Variants in EYA4 observed in about 807,000 individuals in gnomAD.
EYA4 encodes the protein EYA transcriptional coactivator and phosphatase 4.
Under a neutral mutation model 87.9 loss-of-function variants are expected in EYA4, and 31 were observed. The ratio of observed to expected loss-of-function variants is 0.35; its 90% CI spans 0.27 to 0.48. EYA4 has a LOEUF of 0.48. EYA4 is among the 20% of genes least tolerant of loss of function. EYA4 has a pLI of 0.99. For missense variants in EYA4, 678 were observed against 761.4 expected (o/e 0.89, Z 1.29); for synonymous variants, 263 against 270.6 (o/e 0.97, Z 0.28).
chr6:133,529,942 T>G lies in EYA4; in HGVS notation c.*1137T>G. On this transcript the variant is annotated 3_prime_UTR_variant, in exon 20 of 20. Coordinates refer to ENST00000355286, the MANE Select transcript of EYA4 (RefSeq NM_004100.5). ...AATCATGAGCAATTATCACATAAACTTTTTTAGAATGTGCCATGAACATGG... is the reference window on the plus strand; with the variant it reads ...AATCATGAGCAATTATCACATAAACGTTTTTAGAATGTGCCATGAACATGG... 1 of 983,554 alleles carries G rather than the reference T, an allele frequency of 1.0e-6. No homozygotes were observed. Among genetic ancestry groups the G allele is most frequent in the Non-Finnish European group, 1.2e-6 (1 of 829,792 alleles). 60.9% of individuals were successfully genotyped at this position (983,554 alleles called of 1,614,324 possible).
intron 2 of EYA4, among the ~76,000 whole-genome samples, chr6:133,381,695 T>C (rs1013040862): frequency 6.6e-6 from 1 of 152,140 alleles, no homozygotes; most frequent in Non-Finnish European, 1.5e-5. Context: ...TAATCAGATA[T>C]AGATATAAGT....
intron 2 of EYA4, among the ~76,000 whole-genome samples, chr6:133,284,910 A>G (rs895641161): frequency 2.6e-5 from 4 of 152,156 alleles, no homozygotes; most frequent in African/African-American, 9.7e-5. Context: ...GCAAGGAGAA[A>G]AACCAAATAA....
chr6:133,450,008 C>T (rs1327700725), intron 5 of EYA4, among the ~76,000 whole-genome samples: 2 of 149,934 alleles, frequency 1.3e-5, no homozygotes, highest in Non-Finnish European at 3.0e-5. Context: ...TTTTTTGAAA[C>T]GGAGTCTTGC....
At chr6:133,340,078 GGAAGTTAC>G (rs1782670587) in intron 2 of EYA4, among the ~76,000 whole-genome samples, 1 of 152,050 alleles carries the variant, frequency 6.6e-6, no homozygotes, top group Non-Finnish European at 1.5e-5. Context: ...AAAGAGAAGG[GGAAGTTAC>G]GTCACACTAT....
At chr6:133,268,007 T>C (rs1776365640) in intron 1 of EYA4, among the ~76,000 whole-genome samples, 1 of 152,292 alleles carries the variant, frequency 6.6e-6, no homozygotes, top group South Asian at 2.1e-4. Context: ...GTATTATCAA[T>C]ATATAAATAG....
chr6:133,443,880 T>C (rs1291188490), intron 3 of EYA4, among the ~76,000 whole-genome samples: 2 of 152,152 alleles, frequency 1.3e-5, no homozygotes, highest in African/African-American at 2.4e-5. Flanking sequence ...TCAGATACTA[T>C]ACCCTGTGAA....
chr6:133,454,696 A>T (rs747748455), intron 5 of EYA4, among the ~76,000 whole-genome samples: 16 of 152,142 alleles, frequency 1.1e-4, no homozygotes, highest in Non-Finnish European at 2.2e-4. Context: ...CAAATTTGCT[A>T]CTTCTTGATG....
At chr6:133,470,152 TGAA>T (rs1234864180) in intron 11 of EYA4, among the ~76,000 whole-genome samples, 1 of 148,484 alleles carries the variant, frequency 6.7e-6, no homozygotes, top group African/African-American at 2.5e-5. Flanking sequence ...GTTTTGGACA[TGAA>T]GTCCTTGCCC....
chr6:133,276,507 C>T (rs1449728962), intron 2 of EYA4, among the ~76,000 whole-genome samples: 1 of 152,148 alleles, frequency 6.6e-6, no homozygotes, highest in Non-Finnish European at 1.5e-5. Context: ...AAATGAAGCA[C>T]AGAACTTGTA....
chr6:133,378,438 G>T (rs1415830182), intron 2 of EYA4, among the ~76,000 whole-genome samples: 2 of 152,054 alleles, frequency 1.3e-5, no homozygotes, highest in Non-Finnish European at 2.9e-5. Context: ...AATTATTATT[G>T]TTATGTAATT....
At chr6:133,525,977 G>T in intron 19 of EYA4, 1 of 934,330 alleles carries the variant, frequency 1.1e-6, no homozygotes, top group Non-Finnish European at 1.3e-6. Context: ...CAAGCAGCTG[G>T]CTTTGAACAC....
intron 3 of EYA4, among the ~76,000 whole-genome samples, chr6:133,427,775 A>C (rs1242249605): frequency 6.6e-6 from 1 of 152,212 alleles, no homozygotes; most frequent in Non-Finnish European, 1.5e-5. Flanking sequence ...GAGAAGACAG[A>C]AGATAGTAAA....
At chr6:133,381,248 A>G (rs942699215) in intron 2 of EYA4, among the ~76,000 whole-genome samples, 3 of 151,960 alleles carry the variant, frequency 2.0e-5, no homozygotes, top group African/African-American at 7.2e-5. Context: ...TAATCAAGAA[A>G]ATAATTGATT....
intron 3 of EYA4, among the ~76,000 whole-genome samples, chr6:133,444,606 C>A (rs1792621116): frequency 6.6e-6 from 1 of 152,116 alleles, no homozygotes; most frequent in African/African-American, 2.4e-5. Flanking sequence ...ACTATGGTGA[C>A]CCTTAGGGTA....
intron 3 of EYA4, among the ~76,000 whole-genome samples, chr6:133,385,393 G>C (rs212815): frequency 0.1 from 1,555 of 15,542 alleles, 21 homozygotes; most frequent in East Asian, 0.43. Flanking sequence ...TGCTCTCTCT[G>C]TGTGTGTGTG....
chr6:133,390,406 G>A (rs973964324), intron 3 of EYA4, among the ~76,000 whole-genome samples: 4 of 152,090 alleles, frequency 2.6e-5, no homozygotes, highest in Admixed American at 2.0e-4. Context: ...ATCTTTAGTT[G>A]AGGTGGGGTT....
intron 2 of EYA4, among the ~76,000 whole-genome samples, chr6:133,316,775 T>C (rs1287210219): frequency 6.6e-6 from 1 of 152,174 alleles, no homozygotes; most frequent in Non-Finnish European, 1.5e-5. Flanking sequence ...TTCTTTTTCC[T>C]TGTGCATATT....
At chr6:133,400,608 A>G (rs942311055) in intron 3 of EYA4, among the ~76,000 whole-genome samples, 2 of 152,184 alleles carry the variant, frequency 1.3e-5, no homozygotes, top group African/African-American at 4.8e-5. Context: ...ATTCATGAAA[A>G]TAGACATAGT....
chr6:133,483,674 T>A (rs938530996), intron 13 of EYA4, among the ~76,000 whole-genome samples: 1 of 143,782 alleles, frequency 7.0e-6, no homozygotes, highest in Non-Finnish European at 1.5e-5. Context: ...GTTTTTATTT[T>A]CTCTTTTATT....
Sources: allele counts gnomAD v4.1 joint callset (sites outside exome capture counted in the v4.1 genomes callset), GRCh38; gene constraint gnomAD v4.1.1; transcripts MANE v1.5; gene names NCBI Gene and HGNC (gene_info 2026-07-23, HGNC 2026-07-21).